The following GPRC5D variants were observed in gnomAD, a reference collection of about 807,000 sequenced individuals.
GPRC5D encodes G protein-coupled receptor class C group 5 member D, also known as G protein-coupled receptor family C group 5 member D.
A neutral mutation model predicts 29.3 loss-of-function variants in GPRC5D; 20 were observed. The ratio of observed to expected loss-of-function variants is 0.68; its 90% CI spans 0.48 to 0.99. GPRC5D has a LOEUF of 0.99. Among genes scored for constraint, GPRC5D ranks in the 50% least tolerant of loss-of-function variants. The pLI, the probability that GPRC5D is intolerant of heterozygous loss-of-function variation, is 0.00. For missense variants in GPRC5D, 384 were observed against 423.6 expected (o/e 0.91, Z 0.82); for synonymous variants, 178 against 171.3 (o/e 1.04, Z -0.30).
chr12:12,944,927 T>C (rs1044528346), intron 1 of GPRC5D, among the ~76,000 whole-genome samples: 2 of 70,118 alleles, frequency 2.9e-5, no homozygotes, highest in Non-Finnish European at 7.2e-5. Context: ...TTCCCTTTCT[T>C]CCTTTTCTTC....
At chr12:12,950,771 T>G (rs1262354649), upstream of GPRC5D, among the ~76,000 whole-genome samples, 1 of 150,356 alleles carries the variant, frequency 6.7e-6, no homozygotes, top group Non-Finnish European at 1.5e-5. Flanking sequence ...TGCCCCACTG[T>G]ACTCCAGCCT....
chr12:12,945,082 C>T (rs1370616189), intron 1 of GPRC5D, among the ~76,000 whole-genome samples: 1 of 151,116 alleles, frequency 6.6e-6, no homozygotes, highest in Non-Finnish European at 1.5e-5. Context: ...CAACTCACTG[C>T]AATCACCACC....
intron 1 of GPRC5D, chr12:12,948,591 C>T (rs1294194156): frequency 6.5e-6 from 1 of 154,158 alleles, no homozygotes; most frequent in Non-Finnish European, 1.5e-5. Flanking sequence ...CCTATTAAGA[C>T]ACAAAAATTG....
chr12:12,944,942 TCTTTCCTTTTCTTTC>T (rs1863270653), intron 1 of GPRC5D, among the ~76,000 whole-genome samples: 1 of 8,046 alleles, frequency 1.2e-4, no homozygotes, highest in Non-Finnish European at 1.6e-3. Flanking sequence ...TTCTTCCCTT[TCTTTCCTTTTCTTTC>T]CTTTTCTTTC....
intron 2 of GPRC5D, 57 bp from the exon 4 acceptor site, chr12:12,940,906 T>C: frequency 2.6e-6 from 3 of 1,160,346 alleles, no homozygotes; most frequent in Non-Finnish European, 3.9e-6. Context: ...AATGATATTC[T>C]CCAAAGTTAT....
At chr12:12,943,204 C>T (rs747599968) in intron 1 of GPRC5D, among the ~76,000 whole-genome samples, 1 of 152,204 alleles carries the variant, frequency 6.6e-6, no homozygotes, top group Non-Finnish European at 1.5e-5. Flanking sequence ...GCTGCCTCCT[C>T]AACCAGCCTG....
At chr12:12,945,792 A>G (rs777325155) in intron 1 of GPRC5D, among the ~76,000 whole-genome samples, 3 of 152,182 alleles carry the variant, frequency 2.0e-5, no homozygotes, top group Non-Finnish European at 2.9e-5. Flanking sequence ...CAATATGCTG[A>G]GCATGTTAAA....
In GPRC5D at chr12:12,945,558, A is replaced by G. The variant is rs373365880; in HGVS notation, c.896-3230T>C. On this transcript the variant is annotated intron_variant, in intron 1 of 2. Transcript: ENST00000228887. Reference sequence around the variant, plus strand: ...TTTATTCAGGAAGAGAAATATTCCAAAATTTACCAACTCCAAATTAAATAT... The same window carrying G: ...TTTATTCAGGAAGAGAAATATTCCAGAATTTACCAACTCCAAATTAAATAT... Among the ~76,000 whole-genome samples, 8 of 152,346 alleles carry G rather than the reference A, an allele frequency of 5.3e-5. No homozygotes were observed. The East Asian group carries it at 1.3e-3, about 26-fold the overall frequency.
chr12:12,944,776 C>T (rs1174665263), intron 1 of GPRC5D, among the ~76,000 whole-genome samples: 1 of 32,538 alleles, frequency 3.1e-5, no homozygotes, highest in African/African-American at 5.4e-5. Flanking sequence ...TTCCTTTCTT[C>T]CTTCCTTCCT....
At chr12:12,946,177 C>T (rs1863308494) in intron 1 of GPRC5D, among the ~76,000 whole-genome samples, 2 of 152,188 alleles carry the variant, frequency 1.3e-5, no homozygotes, top group Non-Finnish European at 2.9e-5. Context: ...TCCATTTCCA[C>T]CCACTATCTT....
intron 2 of GPRC5D, among the ~76,000 whole-genome samples, chr12:12,941,229 T>C (rs778697714): frequency 1.3e-5 from 2 of 152,094 alleles, no homozygotes; most frequent in Non-Finnish European, 2.9e-5. Flanking sequence ...ATGTTTGAAG[T>C]ATTATTATCT....
At chr12:12,944,546 T>A (rs150935075) in intron 1 of GPRC5D, 11 of 152,078 alleles carry the variant, frequency 7.2e-5, no homozygotes, top group African/African-American at 2.7e-4. Flanking sequence ...TGGAGTTTGC[T>A]AGGGAAACAA....
chr12:12,944,833 C>CTT (rs1863248851), intron 1 of GPRC5D, among the ~76,000 whole-genome samples: 2 of 14,336 alleles, frequency 1.4e-4, no homozygotes, highest in Non-Finnish European at 2.2e-4. Context: ...TTCCTTCCTT[C>CTT]CTTCCTTCCT....
chr12:12,944,843 TTCC>T lies in GPRC5D; in HGVS notation c.896-2518_896-2516del, dbSNP rs1863253747. 6.4e-4 allele frequency among the ~76,000 whole-genome samples: 18 copies of T among 28,330 alleles called. 1 individual carries two copies. Among genetic ancestry groups the T allele is most frequent in the South Asian group, 2.0e-3 (1 of 488 alleles). The allele number at this position is 28,330 out of a possible 152,430, so 18.6% of individuals were successfully genotyped here. The stretch of plus-strand genomic sequence containing the variant: ...CTTCCTTCCTTCCTTCCTTCCTTCC[TTCC>T]TTCCTTCTTTCTTTCTTTCTTTCTT... On this transcript the variant is annotated intron_variant, in intron 1 of 2. Transcript: ENST00000228887.
chr12:12,942,988 CA>C (rs1290270914), intron 1 of GPRC5D, among the ~76,000 whole-genome samples: 2 of 152,042 alleles, frequency 1.3e-5, no homozygotes, highest in African/African-American at 4.8e-5. Flanking sequence ...TTCAATTTTT[CA>C]AAAATTTAAA....
upstream of GPRC5D, chr12:12,950,410 C>T: frequency 1.3e-6 from 2 of 1,521,080 alleles, no homozygotes; most frequent in South Asian, 1.2e-5. Context: ...TGGACCTCAC[C>T]AGAATGGTTT....
At position 12,941,684 on chromosome 12, in the gene GPRC5D, C is replaced by T. The variant is rs551154106; in HGVS notation, c.963+577G>A. 1.1e-3 allele frequency among the ~76,000 whole-genome samples: 162 copies of T among 152,270 alleles called. 2 individuals are homozygous for T. The highest frequency in any genetic ancestry group is 5.8e-3 in the South Asian group (28 of 4,820). Reference sequence around the variant, plus strand: ...TTTGTATGTCTTCAAGTCTTCACAGCCCAAATGTGAATTACCCCCAAACTA... The same window carrying T: ...TTTGTATGTCTTCAAGTCTTCACAGTCCAAATGTGAATTACCCCCAAACTA... On this transcript the variant is annotated intron_variant, in intron 2 of 2. Coordinates refer to ENST00000228887, the Ensembl canonical transcript of GPRC5D.
In GPRC5D at chr12:12,946,309, TTTTCTTTCTTTC is replaced by T. The variant is rs745322553; in HGVS notation, c.895+3169_895+3180del. ...CTTCCTTTCTTCCTTCCTTCCTTCCTTTTCTTTCTTTCTTTCTTTCTTTCTTTCTTTCTTTCT... is the reference window on the plus strand; with the variant it reads ...CTTCCTTTCTTCCTTCCTTCCTTCCTTTTCTTTCTTTCTTTCTTTCTTTCT... On this transcript the variant is annotated intron_variant, in intron 1 of 2. Coordinates refer to ENST00000228887, the Ensembl canonical transcript of GPRC5D. Among the ~76,000 whole-genome samples, 71 of 37,686 alleles carry T rather than the reference TTTTCTTTCTTTC, an allele frequency of 1.9e-3. 1 individual carries two copies. Among genetic ancestry groups the T allele is most frequent in the African/African-American group, 5.8e-3 (70 of 11,980 alleles). The allele number at this position is 37,686 out of a possible 152,430, so 24.7% of individuals were successfully genotyped here.
chr12:12,942,817 G>A (rs1430906083), intron 1 of GPRC5D, among the ~76,000 whole-genome samples: 1 of 152,224 alleles, frequency 6.6e-6, no homozygotes, highest in Non-Finnish European at 1.5e-5. Flanking sequence ...TAAAGTTGAT[G>A]TAGAAAGCGT....
Sources: allele counts gnomAD v4.1 joint callset (sites outside exome capture counted in the v4.1 genomes callset), GRCh38; gene constraint gnomAD v4.1.1; transcripts MANE v1.5; gene names NCBI Gene and HGNC (gene_info 2026-07-23, HGNC 2026-07-21).